Variants in GBA2 observed in about 807,000 individuals in gnomAD.
The protein encoded by GBA2 is glucosylceramidase beta 2, also known as non-lysosomal glucosylceramidase.
GBA2 carries 79 observed loss-of-function variants against 112.9 expected under a neutral mutation model. That is an observed-to-expected ratio of 0.70 (90% CI 0.58 to 0.84). The LOEUF is 0.84. GBA2 is among the 40% of genes least tolerant of loss of function. The pLI, the probability that GBA2 is intolerant of heterozygous loss-of-function variation, is 0.00. For missense variants in GBA2, 1,043 were observed against 1,190.0 expected (o/e 0.88, Z 1.82); for synonymous variants, 403 against 434.3 (o/e 0.93, Z 0.90).
rs1486537101 is a variant in GBA2, at chr9:35,741,328, T to TTC, written c.787-265_787-264insGA. ...CCTTTCACAGGCCATGCAGTTTCTT[T>TTC]TTTTTTTTTTTTGGGGGGTGCGGTG... On this transcript the variant is annotated intron_variant, in intron 4 of 16. Transcript: ENST00000378103. This position sits in a 1 kb window ranked among gnomAD's most constrained non-coding sequence, Gnocchi z 4.6. 3 of 423,888 alleles carry TTC rather than the reference T, an allele frequency of 7.1e-6. No homozygotes were observed. The highest frequency in any genetic ancestry group is 2.0e-5 in the African/African-American group (1 of 49,480). The allele number at this position is 423,888 out of a possible 1,614,324, so 26.3% of individuals were successfully genotyped here. A position where few individuals can be genotyped will look rare whatever the true frequency, so the allele number is the denominator to read the frequency against.
rs368109318 is a variant in GBA2 at position 35,748,505 on chromosome 9, T to A, written c.200A>T (p.Gln67Leu). ...TTTACCCTCATAGGAAACCATCAGCTGCCCAGAGTCCTCCGGATTGCAGCA... is the reference window on the plus strand; with the variant it reads ...TTTACCCTCATAGGAAACCATCAGCAGCCCAGAGTCCTCCGGATTGCAGCA... ...TDCCNPEDSG[Q>L]LMVSYEGKAM... is the part of the protein sequence containing the mutation. Residue 67 changes from glutamine (Q) to leucine (L), a missense_variant, in exon 1 of 17, where the codon CAG becomes CTG. Physicochemically the swap from Gln to Leu is moderately radical, Grantham distance 113. Coordinates refer to ENST00000378103, the MANE Select transcript of GBA2 (RefSeq NM_020944.3). 14 of 1,614,202 alleles carry A rather than the reference T, an allele frequency of 8.7e-6. No individual in the cohort carries two copies. Among genetic ancestry groups the A allele is most frequent in the Non-Finnish European group, 8.5e-6 (10 of 1,180,020 alleles).
At position 35,741,865 on chromosome 9, in the gene GBA2, C is replaced by T. The variant is rs1826709501; in HGVS notation, c.593G>A (p.Gly198Glu). ...CAGGACTTGCTGGTACACAGTCTGCCCTTCCCGACGCAGGCACACTGTGAA... is the reference window on the plus strand; with the variant it reads ...CAGGACTTGCTGGTACACAGTCTGCTCTTCCCGACGCAGGCACACTGTGAA... The part of the protein sequence containing the change: ...DQFTVCLRRE[G>E]QTVYQQVLSL... The change falls in exon 4 of 17, where the codon GGG (glycine) becomes GAG (glutamate). Residue 198 changes from glycine to glutamate, a missense_variant. Gly to Glu is a moderately conservative substitution (Grantham distance 98, BLOSUM62 -2). Transcript: ENST00000378103. This position sits in a 1 kb window ranked among gnomAD's most constrained non-coding sequence, Gnocchi z 4.6. 2 of 1,613,848 alleles carry T rather than the reference C, an allele frequency of 1.2e-6. No homozygotes were observed. Among genetic ancestry groups the T allele is most frequent in the Non-Finnish European group, 1.7e-6 (2 of 1,179,776 alleles).
intron 1 of GBA2, among the ~76,000 whole-genome samples, chr9:35,747,882 T>A (rs900300886): frequency 6.6e-6 from 1 of 152,224 alleles, no homozygotes; most frequent in African/African-American, 2.4e-5. Context: ...AGCAGTAGTG[T>A]TGGGACTCTA....
chr9:35,742,812 G>A (rs2131991422), intron 3 of GBA2, among the ~76,000 whole-genome samples: 1 of 152,338 alleles, frequency 6.6e-6, no homozygotes, highest in African/African-American at 2.4e-5. Context: ...TAGGAGCTAT[G>A]AGGGATTAAT....
chr9:35,748,791 A>G lies in GBA2; in HGVS notation c.-87T>C. Reference sequence around the variant, plus strand: ...ATGCGGGCGCCGGTCGTTGTTAGGTATCGTCCCGGAGGGCCGGGCGTTGGG... The same window carrying G: ...ATGCGGGCGCCGGTCGTTGTTAGGTGTCGTCCCGGAGGGCCGGGCGTTGGG... On this transcript the variant is annotated 5_prime_UTR_variant, in exon 1 of 17. Transcript: ENST00000378103. The G allele has an allele frequency of 1.2e-6, 1 of 813,034 alleles. No homozygotes were observed. Among genetic ancestry groups the G allele is most frequent in the Admixed American group, 2.4e-5 (1 of 41,920 alleles). 50.4% of individuals were successfully genotyped at this position (813,034 alleles called of 1,614,324 possible).
In GBA2 at chr9:35,740,804, T is replaced by G. The variant is rs80048325; in HGVS notation, c.1026+21A>C. On this transcript the variant is annotated intron_variant, in intron 5 of 16. Transcript: ENST00000378103. The surrounding 1 kb of genome is among the most constrained non-coding windows in gnomAD (Gnocchi z 4.7). ...GAGGTGGGGTTCAGGGGCTAAGGTA[T>G]AGGGCAGGCTCTTTCCTTACCGTGA... 2 of 1,613,302 alleles carry G rather than the reference T, an allele frequency of 1.2e-6. No homozygotes were observed. The highest frequency in any genetic ancestry group is 2.2e-5 in the South Asian group (2 of 91,040).
Position 35,736,986 on chromosome 9 carries a change from A to G in GBA2, c.*183T>C, listed in dbSNP as rs528287633. The G allele has an allele frequency of 4.2e-6, 4 of 953,340 alleles. No individual in the cohort carries two copies. Among genetic ancestry groups the G allele is most frequent in the East Asian group, 2.6e-5 (1 of 38,122 alleles). The allele number at this position is 953,340 out of a possible 1,614,324, so 59.1% of individuals were successfully genotyped here. On this transcript the variant is annotated 3_prime_UTR_variant, in exon 17 of 17. Coordinates refer to ENST00000378103, the MANE Select transcript of GBA2 (RefSeq NM_020944.3). ...AGGGAACAGGTGAGGAAAGAAATAA[A>G]TAAGTGATTCTAATGCTGCCTAGGT... is the stretch of plus-strand genomic sequence containing the variant.
At position 35,738,370 on chromosome 9, in the gene GBA2, A is replaced by C; in HGVS notation, c.2059T>G (p.Tyr687Asp). The C allele has an allele frequency of 6.2e-7, 1 of 1,613,930 alleles. No individual in the cohort carries two copies. Among genetic ancestry groups the C allele is most frequent in the Non-Finnish European group, 8.5e-7 (1 of 1,179,894 alleles). Reference protein sequence around the residue: ...DGWVTTGPSAYCGGLWLAAVA... With the variant: ...DGWVTTGPSADCGGLWLAAVA... ...GCTGCCAGCCACAGCCCTCCACAGT[A>C]AGCACTGATCAGGGACATGGGTTTG... The change falls in exon 14 of 17, where the codon TAC becomes GAC. Residue 687 changes from tyrosine (Y) to aspartate (D), a missense_variant. By Grantham distance (160) the Tyr-to-Asp change is radical. Coordinates refer to ENST00000378103, the MANE Select transcript of GBA2 (RefSeq NM_020944.3).
Position 35,737,393 on chromosome 9 carries a change from C to T in GBA2, c.2560G>A (p.Glu854Lys), listed in dbSNP as rs1226036451. ...GTCTGGAAGGCCAGACCCAGGCGCTCCCACACGGTACGGTAGCAGCCTTCA... is the reference window on the plus strand; with the variant it reads ...GTCTGGAAGGCCAGACCCAGGCGCTTCCACACGGTACGGTAGCAGCCTTCA... ...TAEGCYRTVW[E>K]RLGLAFQTPE... The change falls in exon 17 of 17, where the codon GAG becomes AAG. Residue 854 changes from glutamate (E) to lysine (K), a missense_variant. By Grantham distance (56) the Glu-to-Lys change is moderately conservative. Coordinates refer to ENST00000378103, the MANE Select transcript of GBA2 (RefSeq NM_020944.3). This position sits in a 1 kb window ranked among gnomAD's most constrained non-coding sequence, Gnocchi z 4.1. 4 of 1,613,992 alleles carry T rather than the reference C, an allele frequency of 2.5e-6. No homozygotes were observed. Among genetic ancestry groups the T allele is most frequent in the Non-Finnish European group, 3.4e-6 (4 of 1,180,004 alleles).
At position 35,737,112 on chromosome 9, in the gene GBA2, G is replaced by A. The variant is rs1234923409; in HGVS notation, c.*57C>T. On this transcript the variant is annotated 3_prime_UTR_variant, in exon 17 of 17. Coordinates refer to ENST00000378103, the MANE Select transcript of GBA2 (RefSeq NM_020944.3). This position sits in a 1 kb window ranked among gnomAD's most constrained non-coding sequence, Gnocchi z 4.1. ...TTGCAGGAGGTTCAGAGGGGAAGGA[G>A]GAAAGGCCAGGCTGGAGGCTGGGCT... The A allele has an allele frequency of 8.3e-6, 13 of 1,561,430 alleles. No individual in the cohort carries two copies. Among genetic ancestry groups the A allele is most frequent in the African/African-American group, 2.7e-5 (2 of 73,982 alleles).
Position 35,748,504 on chromosome 9 carries a change from C to T in GBA2, c.201G>A (p.Gln67=). 1 of 1,614,238 alleles carries T rather than the reference C, an allele frequency of 6.2e-7. No homozygotes were observed. The highest frequency in any genetic ancestry group is 1.6e-4 in the Middle Eastern group (1 of 6,062). Residue 67 remains glutamine, a synonymous_variant, in exon 1 of 17, where the codon CAG becomes CAA. Coordinates refer to ENST00000378103, the MANE Select transcript of GBA2 (RefSeq NM_020944.3). The stretch of plus-strand genomic sequence containing the variant: ...CTTTACCCTCATAGGAAACCATCAG[C>T]TGCCCAGAGTCCTCCGGATTGCAGC... ...TDCCNPEDSG[Q]LMVSYEGKAM...
chr9:35,739,245 C>G, intron 10 of GBA2, 70 bp downstream of exon 10: 1 of 1,137,190 alleles, frequency 8.8e-7, no homozygotes, highest in Non-Finnish European at 1.3e-6. Flanking sequence ...AAGAGACAAT[C>G]TGAGGGACCA....
At position 35,738,329 on chromosome 9, in the gene GBA2, G is replaced by A; in HGVS notation, c.2100C>T (p.Val700=). The A allele has an allele frequency of 6.2e-7, 1 of 1,614,064 alleles. No individual in the cohort carries two copies. Among genetic ancestry groups the A allele is most frequent in the African/African-American group, 1.3e-5 (1 of 75,012 alleles). The change falls in exon 14 of 17, where the codon GTC becomes GTT. Residue 700 remains valine, a synonymous_variant. Coordinates refer to ENST00000378103, the MANE Select transcript of GBA2 (RefSeq NM_020944.3). ...GLWLAAVAVM[V]QMAALCGAQD... ...GTGCCCCACACAGAGCAGCCATCTG[G>A]ACCATCACAGCCACAGCTGCCAGCC...
chr9:35,748,236 C>T (rs1290905712), intron 1 of GBA2, 110 bp downstream of exon 1: 1 of 706,636 alleles, frequency 1.4e-6, no homozygotes, highest in African/African-American at 1.8e-5. Context: ...GGGACCGCTT[C>T]ACTCAGACAA....
In GBA2 at chr9:35,738,155, G is replaced by A. The variant is rs1459728800; in HGVS notation, c.2198-3C>T. ...GCTGTCATAGTTGTAATAGCGGCCTGGAGTCGAGGAAGAGAAAAATAAGGC... is the reference window on the plus strand; with the variant it reads ...GCTGTCATAGTTGTAATAGCGGCCTAGAGTCGAGGAAGAGAAAAATAAGGC... On this transcript the variant is annotated splice_region_variant and splice_polypyrimidine_tract_variant and intron_variant, in intron 14 of 16. Transcript: ENST00000378103. The A allele has an allele frequency of 8.1e-6, 13 of 1,613,360 alleles. No homozygotes were observed. Among genetic ancestry groups the A allele is most frequent in the Non-Finnish European group, 1.0e-5 (12 of 1,179,250 alleles).
Position 35,741,810 on chromosome 9 carries a change from G to T in GBA2, c.648C>A (p.Ser216Arg), listed in dbSNP as rs781642238. Residue 216 changes from serine to arginine, a missense_variant, in exon 4 of 17, where the codon AGC becomes AGA. Transcript: ENST00000378103. The surrounding 1 kb of genome is among the most constrained non-coding windows in gnomAD (Gnocchi z 4.6). ...AGTACCCACACAGGCCCCAGTTCCA[G>T]CTGCGGAGGACACTTGGGCGCTCCA... ...LSLERPSVLR[S>R]WNWGLCGYFA... is the part of the protein sequence containing the mutation. 4 of 1,613,548 alleles carry T rather than the reference G, an allele frequency of 2.5e-6. No individual in the cohort carries two copies. The South Asian group carries it at 4.4e-5, about 18-fold the overall frequency.
chr9:35,738,019 C>T lies in GBA2; in HGVS notation c.2313+18G>A. Reference sequence around the variant, plus strand: ...GAAAACCCATTTTTCTCTCTGGCTGCTCCTCCTCCTCTCTCACCTCAGTGT... The same window carrying T: ...GAAAACCCATTTTTCTCTCTGGCTGTTCCTCCTCCTCTCTCACCTCAGTGT... On this transcript the variant is annotated intron_variant, in intron 15 of 16. Transcript: ENST00000378103. 1 of 1,591,638 alleles carries T rather than the reference C, an allele frequency of 6.3e-7. No individual in the cohort carries two copies.
chr9:35,745,535 C>T (rs1826929409), intron 1 of GBA2, among the ~76,000 whole-genome samples: 1 of 149,528 alleles, frequency 6.7e-6, no homozygotes, highest in African/African-American at 2.5e-5. Context: ...CTGGACATTT[C>T]CTCTCAAGCC....
Position 35,740,407 on chromosome 9 carries a change from C to A in GBA2, c.1130-45G>T. On this transcript the variant is annotated intron_variant, in intron 6 of 16. Coordinates refer to ENST00000378103, the MANE Select transcript of GBA2 (RefSeq NM_020944.3). The surrounding 1 kb of genome is among the most constrained non-coding windows in gnomAD (Gnocchi z 4.7). ...ATTCAGGACAGGAGCCCCTTCAGCC[C>A]CAGGGATAGGGATCCCTAACATGGA... The A allele has an allele frequency of 6.2e-7, 1 of 1,604,380 alleles. No individual in the cohort carries two copies.
Sources: allele counts gnomAD v4.1 joint callset (sites outside exome capture counted in the v4.1 genomes callset), GRCh38; gene constraint gnomAD v4.1.1; non-coding constraint Gnocchi (gnomAD v3.1); transcripts MANE v1.5; gene names NCBI Gene and HGNC (gene_info 2026-07-23, HGNC 2026-07-21).